Variants in NIPBL observed in about 807,000 individuals in gnomAD.
The protein encoded by NIPBL is nipped-B-like protein.
In NIPBL, 19 loss-of-function variants were observed where a neutral mutation model predicts 321.8. The observed-to-expected ratio is 0.06, with a 90% CI of 0.04 to 0.09. The LOEUF (loss-of-function observed/expected upper bound fraction) is 0.09, where lower values mean the gene tolerates loss of function less well. Ranked by LOEUF, NIPBL falls within the 10% of genes least tolerant of loss-of-function variation. The probability of loss-of-function intolerance (pLI) is 1.00; values close to 1 mark genes in which losing one functional copy is unlikely to be tolerated. For missense variants in NIPBL, 2,210 were observed against 3,327.0 expected (o/e 0.66, Z 8.26); for synonymous variants, 1,106 against 1,114.1 (o/e 0.99, Z 0.14).
chr5:36,968,377 C>T (rs908110351), intron 6 of NIPBL, among the ~76,000 whole-genome samples: 1 of 151,894 alleles, frequency 6.6e-6, no homozygotes, highest in Non-Finnish European at 1.5e-5. Flanking sequence ...AGACCATCCT[C>T]GCTAACACAG....
In NIPBL at chr5:36,955,518, A is replaced by G. The variant is rs576203422; in HGVS notation, c.111A>G (p.Thr37=). 2.9e-5 allele frequency: 47 copies of G among 1,613,976 alleles called. No individual in the cohort carries two copies. In the South Asian group the frequency reaches 4.6e-4, roughly 16 times the overall value. Residue 37 remains threonine (T), a synonymous_variant, in exon 3 of 47, where the codon ACA becomes ACG. Transcript: ENST00000282516. ...PLPSPLPATT[T]KSLLFNARIA... is the part of the protein sequence containing the mutation. Reference sequence around the variant, plus strand: ...CATCTCCTTTACCTGCTACAACTACAAAGAGCCTTCTCTTTAATGCACGAA... The same window carrying G: ...CATCTCCTTTACCTGCTACAACTACGAAGAGCCTTCTCTTTAATGCACGAA...
chr5:37,032,831 C>T (rs1580533106), intron 32 of NIPBL, among the ~76,000 whole-genome samples: 1 of 151,928 alleles, frequency 6.6e-6, no homozygotes, highest in Non-Finnish European at 1.5e-5. Context: ...AGAGAGTGTT[C>T]ATGATAAAAC....
At chr5:36,977,024 C>T (rs1056585341) in intron 9 of NIPBL, among the ~76,000 whole-genome samples, 5 of 151,872 alleles carry the variant, frequency 3.3e-5, no homozygotes, top group Non-Finnish European at 7.4e-5. Context: ...CAAGACATAC[C>T]TGGTCTATGA....
At chr5:36,962,799 T>C (rs1741778382) in intron 6 of NIPBL, among the ~76,000 whole-genome samples, 1 of 152,156 alleles carries the variant, frequency 6.6e-6, no homozygotes, top group Non-Finnish European at 1.5e-5. Flanking sequence ...GCACTTACAT[T>C]GTATAGGCAT....
intron 1 of NIPBL, among the ~76,000 whole-genome samples, chr5:36,905,878 G>A (rs1484649169): frequency 6.6e-6 from 1 of 151,912 alleles, no homozygotes; most frequent in Non-Finnish European, 1.5e-5. Context: ...CAAGTAGCTG[G>A]ACTACAGGCA....
intron 1 of NIPBL, among the ~76,000 whole-genome samples, chr5:36,934,707 G>A (rs965807676): frequency 6.6e-6 from 1 of 151,916 alleles, no homozygotes; most frequent in Admixed American, 6.6e-5. Context: ...AGAATTTGTA[G>A]TGCCAAAAAA....
chr5:37,038,485 T>C (rs1166315215), intron 33 of NIPBL, 117 bp from the exon 34 acceptor site: 1 of 765,980 alleles, frequency 1.3e-6, no homozygotes, highest in East Asian at 2.7e-5. Context: ...ATTCATTATA[T>C]TGAGGCCTAT....
At chr5:36,931,520 G>C (rs1405434236) in intron 1 of NIPBL, among the ~76,000 whole-genome samples, 1 of 151,876 alleles carries the variant, frequency 6.6e-6, no homozygotes, top group Non-Finnish European at 1.5e-5. Context: ...GTTTTTCCTT[G>C]TTGCCCAGGT....
intron 32 of NIPBL, among the ~76,000 whole-genome samples, chr5:37,034,867 C>T (rs1015611310): frequency 4.6e-5 from 7 of 152,234 alleles, no homozygotes; most frequent in African/African-American, 1.7e-4. Flanking sequence ...AGGGCATATA[C>T]GAGTGGCAAC....
At chr5:36,937,616 C>A (rs754029511) in intron 1 of NIPBL, among the ~76,000 whole-genome samples, 13 of 151,928 alleles carry the variant, frequency 8.6e-5, no homozygotes, top group South Asian at 2.1e-4. Context: ...TTTAGGAATG[C>A]TATTAAGGAC....
chr5:37,036,740 A>G (rs1168913816), intron 33 of NIPBL, among the ~76,000 whole-genome samples: 2 of 151,596 alleles, frequency 1.3e-5, no homozygotes, highest in East Asian at 1.9e-4. Flanking sequence ...TTTTAATAGC[A>G]TATTATAATT....
chr5:36,953,841 A>G (rs1268928348), intron 2 of NIPBL, 81 bp downstream of exon 2: 2 of 1,238,484 alleles, frequency 1.6e-6, no homozygotes, highest in Non-Finnish European at 2.4e-6. Flanking sequence ...AAAAATTATT[A>G]TAGGTTCTTT....
At chr5:37,042,769 T>C (rs955369928) in intron 34 of NIPBL, among the ~76,000 whole-genome samples, 1 of 149,250 alleles carries the variant, frequency 6.7e-6, no homozygotes, top group Non-Finnish European at 1.5e-5. Context: ...GAGGTTGCAG[T>C]GAGCCAAGAT....
chr5:36,953,583 T>A, intron 1 of NIPBL, 35 bp from the exon 2 acceptor site: 1 of 869,092 alleles, frequency 1.2e-6, no homozygotes, highest in South Asian at 1.3e-5. Context: ...ATCTGACATA[T>A]CTCTACAAAT....
At chr5:36,909,720 T>C (rs975492567) in intron 1 of NIPBL, among the ~76,000 whole-genome samples, 1 of 152,146 alleles carries the variant, frequency 6.6e-6, no homozygotes, top group African/African-American at 2.4e-5. Context: ...ACGTTTATTA[T>C]TTAAAAGGAA....
chr5:36,960,895 C>T (rs904467362), intron 4 of NIPBL, among the ~76,000 whole-genome samples: 15 of 152,010 alleles, frequency 9.9e-5, no homozygotes, highest in African/African-American at 2.9e-4. Context: ...TAAAATATTC[C>T]GTTAATCCCT....
chr5:36,942,432 TAAAAAAA>T (rs33935189), intron 1 of NIPBL, among the ~76,000 whole-genome samples: 8 of 59,792 alleles, frequency 1.3e-4, no homozygotes, highest in Admixed American at 1.1e-3. Flanking sequence ...ACTCTGTCTT[TAAAAAAA>T]AAAAAAAAAA....
intron 1 of NIPBL, among the ~76,000 whole-genome samples, chr5:36,946,950 T>G (rs1224821435): frequency 6.6e-6 from 1 of 152,134 alleles, no homozygotes; most frequent in Admixed American, 6.6e-5. Flanking sequence ...AAGATTTGAT[T>G]AGAAACACCT....
chr5:36,916,117 G>A (rs951116053), intron 1 of NIPBL, among the ~76,000 whole-genome samples: 2 of 152,218 alleles, frequency 1.3e-5, no homozygotes, highest in Admixed American at 1.3e-4. Context: ...GAAAAGGAAA[G>A]TTAGTGAAAT....
Sources: gnomAD v4.1 joint callset for allele counts (sites outside exome capture counted in the v4.1 genomes callset) on GRCh38, gnomAD v4.1.1 for gene constraint, MANE v1.5 for transcripts, NCBI Gene and HGNC (gene_info 2026-07-23, HGNC 2026-07-21) for gene names.